Variants in DPP10 observed in about 807,000 individuals in gnomAD.
DPP10 encodes inactive dipeptidyl peptidase 10.
A neutral mutation model predicts 120.9 loss-of-function variants in DPP10; 33 were observed. The ratio of observed to expected loss-of-function variants is 0.27; its 90% confidence interval spans 0.21 to 0.37. The LOEUF is 0.37. DPP10 is among the 10% of genes least tolerant of loss of function. The pLI, the probability that DPP10 is intolerant of heterozygous loss-of-function variation, is 1.00. For missense variants in DPP10, 816 were observed against 942.8 expected (o/e 0.87, Z 1.76); for synonymous variants, 337 against 326.1 (o/e 1.03, Z -0.36).
chr2:115,307,235 G>T (rs1047622678), intron 1 of DPP10, among the ~76,000 whole-genome samples: 1 of 151,914 alleles, frequency 6.6e-6, no homozygotes, highest in Non-Finnish European at 1.5e-5. Flanking sequence ...ATTACTCTTT[G>T]TTAGACTATG....
chr2:115,000,944 C>A (rs1481650158), intron 1 of DPP10, among the ~76,000 whole-genome samples: 1 of 152,098 alleles, frequency 6.6e-6, no homozygotes, highest in Non-Finnish European at 1.5e-5. Flanking sequence ...CTCTACTATC[C>A]ACTATTTCAG....
At chr2:114,877,603 C>T (rs1404392150) in intron 1 of DPP10, among the ~76,000 whole-genome samples, 1 of 152,060 alleles carries the variant, frequency 6.6e-6, no homozygotes, top group Non-Finnish European at 1.5e-5. Flanking sequence ...ACACACAATG[C>T]CCCTGTCTCT....
intron 1 of DPP10, among the ~76,000 whole-genome samples, chr2:114,875,046 CT>C (rs1000924644): frequency 7.9e-5 from 12 of 152,130 alleles, no homozygotes; most frequent in Non-Finnish European, 1.6e-4. Context: ...ATTCTGTCAT[CT>C]GGATGTTGTT....
At chr2:115,175,239 T>C (rs2053611712) in intron 1 of DPP10, among the ~76,000 whole-genome samples, 1 of 152,194 alleles carries the variant, frequency 6.6e-6, no homozygotes, top group South Asian at 2.1e-4. Flanking sequence ...TAGCTCTGGA[T>C]TCCACCATGA....
At chr2:114,699,174 G>A (rs892259810) in intron 1 of DPP10, among the ~76,000 whole-genome samples, 4 of 152,082 alleles carry the variant, frequency 2.6e-5, no homozygotes, top group Admixed American at 1.3e-4. Flanking sequence ...TCTTGCAGAC[G>A]TAAACTCAGA....
intron 1 of DPP10, among the ~76,000 whole-genome samples, chr2:114,925,228 A>AAT (rs1360024875): frequency 1.3e-5 from 2 of 151,848 alleles, no homozygotes; most frequent in Non-Finnish European, 2.9e-5. Context: ...AAAAAAAAAA[A>AAT]AAAATCAGTC....
chr2:115,189,305 G>A (rs932199029), intron 1 of DPP10, among the ~76,000 whole-genome samples: 1 of 152,148 alleles, frequency 6.6e-6, no homozygotes, highest in Non-Finnish European at 1.5e-5. Flanking sequence ...GAGTGGCGGG[G>A]TGAGTAGTTT....
At chr2:115,160,854 G>C (rs2104956243) in intron 1 of DPP10, among the ~76,000 whole-genome samples, 1 of 152,140 alleles carries the variant, frequency 6.6e-6, no homozygotes, top group East Asian at 1.9e-4. Flanking sequence ...CAGGGGATTT[G>C]GTAGGTTTGC....
intron 3 of DPP10, among the ~76,000 whole-genome samples, chr2:115,403,260 T>C (rs966389827): frequency 1.3e-5 from 2 of 151,800 alleles, no homozygotes; most frequent in Non-Finnish European, 2.9e-5. Context: ...TTCAGCACAA[T>C]ATATGACAAA....
chr2:114,511,956 A>G (rs1468435457), intron 1 of DPP10, among the ~76,000 whole-genome samples: 1 of 152,224 alleles, frequency 6.6e-6, no homozygotes, highest in Non-Finnish European at 1.5e-5. Flanking sequence ...AGAAAATGTT[A>G]TATTCCAGCA....
At chr2:115,128,263 A>G (rs2050176024) in intron 1 of DPP10, among the ~76,000 whole-genome samples, 1 of 152,062 alleles carries the variant, frequency 6.6e-6, no homozygotes, top group East Asian at 1.9e-4. Flanking sequence ...GTCTGTATTT[A>G]TTCTGTTAAG....
At chr2:114,461,207 T>C (rs145657820) in intron 1 of DPP10, among the ~76,000 whole-genome samples, 33 of 152,318 alleles carry the variant, frequency 2.2e-4, no homozygotes, top group African/African-American at 7.7e-4. Context: ...GAGTTCCATA[T>C]GATTTTCAGC....
intron 5 of DPP10, among the ~76,000 whole-genome samples, chr2:115,631,013 G>A (rs947919663): frequency 6.8e-6 from 1 of 146,548 alleles, no homozygotes; most frequent in East Asian, 2.0e-4. Context: ...GTAGAATTCA[G>A]CTGTAAATAC....
intron 5 of DPP10, among the ~76,000 whole-genome samples, chr2:115,689,464 T>C (rs949255283): frequency 6.6e-6 from 1 of 152,158 alleles, no homozygotes; most frequent in South Asian, 2.1e-4. Flanking sequence ...ATCACAATTA[T>C]ACTCAGGATA....
intron 1 of DPP10, among the ~76,000 whole-genome samples, chr2:114,717,331 C>T (rs1394086504): frequency 6.6e-6 from 1 of 152,134 alleles, no homozygotes; most frequent in African/African-American, 2.4e-5. Flanking sequence ...AAGACTCTCA[C>T]TTAGACACAG....
Position 114,937,759 on chromosome 2 carries a change from C to T in DPP10, c.61-371480C>T, listed in dbSNP as rs78100621. Among the ~76,000 whole-genome samples the T allele has an allele frequency of 1.3e-4, 20 of 152,248 alleles. No homozygotes were observed. In the East Asian group the frequency reaches 3.7e-3, roughly 28 times the overall value. ...GAACGTGCCCAATCTCTTCTGATCTCGGAAGCTAAGCAAGGTCGGGCCTGG... is the reference window on the plus strand; with the variant it reads ...GAACGTGCCCAATCTCTTCTGATCTTGGAAGCTAAGCAAGGTCGGGCCTGG... On this transcript the variant is annotated intron_variant, in intron 1 of 25. Coordinates refer to ENST00000410059, the MANE Select transcript of DPP10 (RefSeq NM_020868.6).
chr2:115,728,809 G>A (rs992421394), intron 8 of DPP10, among the ~76,000 whole-genome samples: 3 of 152,104 alleles, frequency 2.0e-5, no homozygotes, highest in African/African-American at 7.2e-5. Flanking sequence ...AAGGCCTACT[G>A]TATTCTGGAT....
chr2:114,832,029 A>T (rs2139411), intron 1 of DPP10, among the ~76,000 whole-genome samples: 2 of 151,530 alleles, frequency 1.3e-5, no homozygotes. Context: ...TAAATGAGTG[A>T]CATCTTTGCT....
chr2:115,093,545 T>C (rs1220839772), intron 1 of DPP10, among the ~76,000 whole-genome samples: 1 of 152,102 alleles, frequency 6.6e-6, no homozygotes, highest in Non-Finnish European at 1.5e-5. Context: ...TCTGGAGACA[T>C]AATAATAATT....
Sources: allele counts gnomAD v4.1 joint callset (sites outside exome capture counted in the v4.1 genomes callset), GRCh38; gene constraint gnomAD v4.1.1; transcripts MANE v1.5; gene names NCBI Gene and HGNC (gene_info 2026-07-23, HGNC 2026-07-21).